Variants in COPRS observed in about 807,000 individuals in gnomAD.
The protein encoded by COPRS is coordinator of PRMT5 and differentiation stimulator.
In COPRS, 11 loss-of-function variants were observed where a neutral mutation model predicts 19.9. The observed-to-expected ratio is 0.55, with a 90% CI of 0.35 to 0.92. The LOEUF is 0.92. COPRS is among the 40% of genes least tolerant of loss of function. The pLI, the probability that COPRS is intolerant of heterozygous loss-of-function variation, is 0.01. For synonymous variants in COPRS, 81 were observed against 82.7 expected, an observed-to-expected ratio of 0.98 and a Z score of 0.11; for missense variants, 225 against 229.9, an observed-to-expected ratio of 0.98 and a Z score of 0.14.
At chr17:31,856,464 T>C (rs761188645) in intron 2 of COPRS, 9 of 324,762 alleles carry the variant, frequency 2.8e-5, no homozygotes, top group Non-Finnish European at 4.5e-5. Flanking sequence ...AGAAATAGTA[T>C]ATATAGGAGG....
intron 2 of COPRS, among the ~76,000 whole-genome samples, chr17:31,855,427 A>C (rs1456492380): frequency 6.6e-6 from 1 of 152,164 alleles, no homozygotes; most frequent in Non-Finnish European, 1.5e-5. Context: ...GAATGGTGTG[A>C]ACCCAGGGGG....
In COPRS at chr17:31,852,096, T is replaced by C. The variant is rs1301132328; in HGVS notation, c.*43A>G. On this transcript the variant is annotated 3_prime_UTR_variant, in exon 4 of 4. Coordinates refer to ENST00000302362, the MANE Select transcript of COPRS (RefSeq NM_018405.4). Reference sequence around the variant, plus strand: ...ACCTCCAAGACAGGAAAAGAGATCTTGACGTGGAGGCCCGCCCACCTACAA... The same window carrying C: ...ACCTCCAAGACAGGAAAAGAGATCTCGACGTGGAGGCCCGCCCACCTACAA... The C allele has an allele frequency of 6.2e-7, 1 of 1,610,784 alleles. No individual in the cohort carries two copies. Among genetic ancestry groups the C allele is most frequent in the Admixed American group, 1.7e-5 (1 of 59,902 alleles).
intron 1 of COPRS, chr17:31,858,833 C>A (rs1466870671): frequency 1.3e-6 from 2 of 1,548,980 alleles, no homozygotes; most frequent in Non-Finnish European, 1.7e-6. Flanking sequence ...ACCAAATCCG[C>A]AGCGGCGCCC....
At position 31,856,275 on chromosome 17, in the gene COPRS, C is replaced by T. The variant is rs546008863; in HGVS notation, c.166+524G>A. The stretch of plus-strand genomic sequence containing the variant: ...GCTTTAACCTGGGAAGCGGAGGTTG[C>T]GGTGAGCTGACATCGTGCCACTGTA... On this transcript the variant is annotated intron_variant, in intron 2 of 3. Transcript: ENST00000302362. 7.3e-4 allele frequency among the ~76,000 whole-genome samples: 111 copies of T among 152,086 alleles called. 1 individual carries two copies. Among genetic ancestry groups the T allele is most frequent in the African/African-American group, 2.6e-3 (106 of 41,500 alleles).
At chr17:31,855,203 C>T (rs1417047350) in intron 2 of COPRS, among the ~76,000 whole-genome samples, 1 of 151,842 alleles carries the variant, frequency 6.6e-6, no homozygotes. Flanking sequence ...TGGTGAAAGC[C>T]CCTCTCCACT....
rs1439579042 is a variant in COPRS, at chr17:31,852,054, C to T, written c.*85G>A. 1.2e-5 allele frequency: 19 copies of T among 1,536,646 alleles called. No homozygotes were observed. Among genetic ancestry groups the T allele is most frequent in the Admixed American group, 5.1e-5 (3 of 58,458 alleles). ...GACTAGGGGTCACTGCAAACATTTTCTCAGATATGACTTTTCACCTCCAAG... is the reference window on the plus strand; with the variant it reads ...GACTAGGGGTCACTGCAAACATTTTTTCAGATATGACTTTTCACCTCCAAG... On this transcript the variant is annotated 3_prime_UTR_variant, in exon 4 of 4. Transcript: ENST00000302362.
intron 1 of COPRS, 149 bp downstream of exon 1, chr17:31,858,952 C>T: frequency 7.1e-7 from 1 of 1,411,790 alleles, no homozygotes; most frequent in Non-Finnish European, 9.1e-7. Context: ...AGCTCGAGCG[C>T]GAGCCCAAAC....
At chr17:31,852,417 T>C in intron 3 of COPRS, 109 bp from the exon 4 acceptor site, 1 of 811,234 alleles carries the variant, frequency 1.2e-6, no homozygotes, top group East Asian at 2.5e-5. Flanking sequence ...TGCACTTATT[T>C]TGTTTAAAAA....
chr17:31,856,524 T>G lies in COPRS; in HGVS notation c.166+275A>C, dbSNP rs142984460. The G allele has an allele frequency of 8.9e-6, 4 of 448,652 alleles. No individual in the cohort carries two copies. The East Asian group carries it at 1.9e-4, about 22-fold the overall frequency. 27.8% of individuals were successfully genotyped at this position (448,652 alleles called of 1,614,324 possible). On this transcript the variant is annotated intron_variant, in intron 2 of 3. Transcript: ENST00000302362. ...ATTGGGGCGGGGGGGTCTTAGAATG[T>G]ATCCCCTAGGAATAAGGTGAGACTG...
intron 2 of COPRS, among the ~76,000 whole-genome samples, chr17:31,854,919 G>A (rs1462367993): frequency 2.0e-5 from 3 of 152,180 alleles, no homozygotes; most frequent in Non-Finnish European, 4.4e-5. Flanking sequence ...GCACAACACT[G>A]CCATTGTGCT....
chr17:31,855,331 T>C (rs1909304598), intron 2 of COPRS, among the ~76,000 whole-genome samples: 1 of 151,708 alleles, frequency 6.6e-6, no homozygotes, highest in South Asian at 2.1e-4. Context: ...CAAGGTAAAA[T>C]CCTATCTCTA....
At chr17:31,858,929 C>T (rs1909447890) in intron 1 of COPRS, 172 bp downstream of exon 1, 1 of 1,456,530 alleles carries the variant, frequency 6.9e-7, no homozygotes, top group Non-Finnish European at 9.0e-7. Context: ...GGCCCCGCGG[C>T]CTGGCCGTTT....
intron 2 of COPRS, among the ~76,000 whole-genome samples, chr17:31,853,627 G>A (rs949550832): frequency 3.9e-5 from 6 of 152,094 alleles, no homozygotes; most frequent in African/African-American, 4.8e-5. Context: ...TGATCCACCC[G>A]CCTCGGCCTC....
chr17:31,859,207 G>A lies in COPRS; in HGVS notation c.-8C>T, dbSNP rs765511843. 1.6e-4 allele frequency: 162 copies of A among 1,044,512 alleles called. 3 individuals carry two copies. The East Asian group carries it at 0.012, about 76-fold the overall frequency. 64.7% of individuals were successfully genotyped at this position (1,044,512 alleles called of 1,614,324 possible). On this transcript the variant is annotated 5_prime_UTR_variant, in exon 1 of 4. Coordinates refer to ENST00000302362, the MANE Select transcript of COPRS (RefSeq NM_018405.4). ...GGCGGCCTGAAGGTCCATGCCCTGC[G>A]GCCCGCGGCTGGTCGCCCTGGACGC...
intron 2 of COPRS, among the ~76,000 whole-genome samples, chr17:31,855,485 C>A (rs113167166): frequency 1.3e-5 from 2 of 150,910 alleles, no homozygotes; most frequent in African/African-American, 4.9e-5. Flanking sequence ...GGAGACAGAG[C>A]GAGACTCCGT....
In COPRS at chr17:31,852,789, AC is replaced by A. The variant is rs757852077; in HGVS notation, c.385+22del. The A allele has an allele frequency of 1.0e-5, 16 of 1,563,822 alleles. No individual in the cohort carries two copies. In the Admixed American group the frequency reaches 1.3e-4, roughly 13 times the overall value. On this transcript the variant is annotated intron_variant, in intron 3 of 3. Coordinates refer to ENST00000302362, the MANE Select transcript of COPRS (RefSeq NM_018405.4). Reference sequence around the variant, plus strand: ...TGTGTCTGAGAAGGCCTAGTTCAGGACCCCCAGAGACTCCACACCTACCATA... The same window carrying A: ...TGTGTCTGAGAAGGCCTAGTTCAGGACCCCAGAGACTCCACACCTACCATA...
chr17:31,853,529 G>A lies in COPRS; in HGVS notation c.167-499C>T, dbSNP rs150014052. 4.6e-3 allele frequency among the ~76,000 whole-genome samples: 693 copies of A among 152,138 alleles called. 2 individuals are homozygous for A. The highest frequency in any genetic ancestry group is 0.016 in the African/African-American group (665 of 41,518). On this transcript the variant is annotated intron_variant, in intron 2 of 3. Coordinates refer to ENST00000302362, the MANE Select transcript of COPRS (RefSeq NM_018405.4). ...TGAGCAGCTGGGATTACAAGCGCCC[G>A]CCACCACGCCCAGCTAATTTTTTTG...
At chr17:31,859,036 G>T in intron 1 of COPRS, 65 bp downstream of exon 1, 1 of 1,170,634 alleles carries the variant, frequency 8.5e-7, no homozygotes, top group East Asian at 4.2e-5. Flanking sequence ...CGCCCAGCCC[G>T]GCCCCGCGAC....
At chr17:31,858,030 C>G (rs116611087) in intron 1 of COPRS, among the ~76,000 whole-genome samples, 3,557 of 152,270 alleles carry the variant, frequency 0.023, 140 homozygotes, top group African/African-American at 0.081. Flanking sequence ...GGCCTCCTAA[C>G]CACCTTCCCA....
Sources: allele counts gnomAD v4.1 joint callset (sites outside exome capture counted in the v4.1 genomes callset), GRCh38; gene constraint gnomAD v4.1.1; transcripts MANE v1.5; gene names NCBI Gene and HGNC (gene_info 2026-07-23, HGNC 2026-07-21).